The following CNBD1 variants were observed in gnomAD, a reference collection of about 807,000 sequenced individuals.
CNBD1 encodes cyclic nucleotide binding domain containing 1.
In CNBD1, 71 loss-of-function variants were observed where a neutral mutation model predicts 54.4. The ratio of observed to expected loss-of-function variants is 1.30; its 90% CI spans 1.08 to 1.59. The LOEUF is 1.59. Among genes scored for constraint, CNBD1 ranks in the 40% most tolerant of loss-of-function variants. The pLI is 0.00. For missense variants in CNBD1, 659 were observed against 518.0 expected (o/e 1.27, Z -2.64); for synonymous variants, 182 against 170.7 (o/e 1.07, Z -0.51).
At chr8:87,316,596 T>C (rs1234441040) in intron 8 of CNBD1, among the ~76,000 whole-genome samples, 1 of 151,928 alleles carries the variant, frequency 6.6e-6, no homozygotes, top group African/African-American at 2.4e-5. Flanking sequence ...GGTTCAAAGA[T>C]AGATGTACAA....
intron 5 of CNBD1, among the ~76,000 whole-genome samples, chr8:87,211,454 C>T (rs1383270208): frequency 6.6e-6 from 1 of 152,016 alleles, no homozygotes; most frequent in African/African-American, 2.4e-5. Flanking sequence ...TGGACATCCC[C>T]TCCAAATCTC....
intron 4 of CNBD1, among the ~76,000 whole-genome samples, chr8:87,080,109 C>A (rs150409394): frequency 6.6e-6 from 1 of 152,140 alleles, no homozygotes; most frequent in African/African-American, 2.4e-5. Flanking sequence ...TGTCAAAAAT[C>A]AATTGAGCCT....
Position 87,419,503 on chromosome 8 carries a change from ATATT to A in CNBD1, c.214-9039_214-9036del, listed in dbSNP as rs1020695572. On this transcript the variant is annotated intron_variant, in intron 2 of 7. Coordinates refer to the CNBD1 transcript ENST00000521593. ...TAAGATTTGGAGAAAATGTTGTTAC[ATATT>A]TATAGAAATTGTTCCTATGCCATAA... 7.4e-4 allele frequency among the ~76,000 whole-genome samples: 112 copies of A among 152,102 alleles called. 1 individual carries two copies. The highest frequency in any genetic ancestry group is 2.6e-3 in the African/African-American group (106 of 41,568).
At chr8:87,375,163 A>G (rs139669810) in intron 10 of CNBD1, among the ~76,000 whole-genome samples, 2 of 152,040 alleles carry the variant, frequency 1.3e-5, no homozygotes, top group African/African-American at 4.8e-5. Context: ...GAATAGTACT[A>G]TTATAAGAAC....
intron 8 of CNBD1, among the ~76,000 whole-genome samples, chr8:87,316,607 T>C (rs1277665711): frequency 6.6e-6 from 1 of 151,940 alleles, no homozygotes; most frequent in Non-Finnish European, 1.5e-5. Flanking sequence ...AGATGTACAA[T>C]AATTTCTATT....
chr8:87,385,316 C>T (rs1481918940), downstream of CNBD1, among the ~76,000 whole-genome samples: 1 of 152,080 alleles, frequency 6.6e-6, no homozygotes, highest in Admixed American at 6.5e-5. Flanking sequence ...CAAAACAGGG[C>T]AAGGCATCGC....
At chr8:86,875,019 T>TATATA (rs576186127) in intron 1 of CNBD1, among the ~76,000 whole-genome samples, 7 of 128,504 alleles carry the variant, frequency 5.4e-5, no homozygotes, top group African/African-American at 2.0e-4. Context: ...TATATATATA[T>TATATA]ATGTATTAAA....
At chr8:87,001,923 T>C (rs546586675) in intron 4 of CNBD1, among the ~76,000 whole-genome samples, 5 of 152,326 alleles carry the variant, frequency 3.3e-5, no homozygotes, top group Non-Finnish European at 7.4e-5. Flanking sequence ...CTTTCACTTC[T>C]CTGTTTAAAC....
chr8:86,940,132 C>CTTTTTTTTTTTTTTTTTTTTTTTTTTTTT (rs10671983), intron 4 of CNBD1, among the ~76,000 whole-genome samples: 1 of 88,732 alleles, frequency 1.1e-5, no homozygotes, highest in Admixed American at 1.6e-4. Context: ...CCACATGTTA[C>CTTTTTTTTTTTTTTTTTTTTTTTTTTTTT]TTTTTTTTTT....
At chr8:87,304,236 C>G (rs576620802) in intron 8 of CNBD1, among the ~76,000 whole-genome samples, 1 of 151,948 alleles carries the variant, frequency 6.6e-6, no homozygotes, top group South Asian at 2.1e-4. Flanking sequence ...GGAACAAACC[C>G]AAATGTCCAA....
intron 8 of CNBD1, among the ~76,000 whole-genome samples, chr8:87,340,043 C>T (rs1168745830): frequency 2.6e-5 from 4 of 152,158 alleles, no homozygotes; most frequent in African/African-American, 7.2e-5. Context: ...ACTTGAAGGA[C>T]TCCCTTTAGC....
At chr8:86,919,952 G>T in intron 3 of CNBD1, among the ~76,000 whole-genome samples, 1 of 151,992 alleles carries the variant, frequency 6.6e-6, no homozygotes, top group Non-Finnish European at 1.5e-5. Flanking sequence ...CTGGTTCATG[G>T]ACCACAATTT....
At chr8:87,370,988 C>A (rs1288961804) in intron 10 of CNBD1, among the ~76,000 whole-genome samples, 1 of 150,544 alleles carries the variant, frequency 6.6e-6, no homozygotes, top group Non-Finnish European at 1.5e-5. Flanking sequence ...ATAGGGAATC[C>A]TTTCCCCATT....
At chr8:87,256,132 C>A (rs1310926064) in intron 6 of CNBD1, among the ~76,000 whole-genome samples, 2 of 146,656 alleles carry the variant, frequency 1.4e-5, no homozygotes, top group African/African-American at 2.5e-5. Context: ...AAGCGATTCT[C>A]CTGCCTCAGC....
chr8:87,007,538 T>C (rs1809128249), intron 4 of CNBD1, among the ~76,000 whole-genome samples: 3 of 152,278 alleles, frequency 2.0e-5, no homozygotes, highest in South Asian at 2.1e-4. Flanking sequence ...CTATTTTTTT[T>C]CCCACTAAGA....
intron 8 of CNBD1, among the ~76,000 whole-genome samples, chr8:87,307,297 G>C (rs550400111): frequency 6.6e-6 from 1 of 152,288 alleles, no homozygotes; most frequent in South Asian, 2.1e-4. Flanking sequence ...ATTAATTGAC[G>C]TACATGAGGA....
At chr8:87,330,919 A>G (rs1396849590) in intron 8 of CNBD1, among the ~76,000 whole-genome samples, 2 of 152,188 alleles carry the variant, frequency 1.3e-5, no homozygotes, top group Admixed American at 6.5e-5. Flanking sequence ...GCCAACATAT[A>G]GTTGGGTCTT....
At chr8:87,290,836 A>C (rs1397232494) in intron 8 of CNBD1, among the ~76,000 whole-genome samples, 1 of 152,092 alleles carries the variant, frequency 6.6e-6, no homozygotes, top group Non-Finnish European at 1.5e-5. Context: ...ACAGCTGTTA[A>C]TTTTATTGGG....
intron 10 of CNBD1, among the ~76,000 whole-genome samples, chr8:87,364,996 T>C (rs11990638): frequency 0.4 from 60,685 of 151,866 alleles, 12,373 homozygotes; most frequent in Middle Eastern, 0.46. Context: ...ATATTCTTTT[T>C]GGTATATACC....
Sources: gnomAD v4.1 joint callset for allele counts (sites outside exome capture counted in the v4.1 genomes callset) on GRCh38, gnomAD v4.1.1 for gene constraint, MANE v1.5 for transcripts, NCBI Gene and HGNC (gene_info 2026-07-23, HGNC 2026-07-21) for gene names.